RGS5: variants seen among roughly 807,000 people sequenced by gnomAD.
RGS5 encodes the protein regulator of G-protein signalling 5.
A neutral mutation model predicts 18.9 loss-of-function variants in RGS5; 20 were observed. The ratio of observed to expected loss-of-function variants is 1.06; its 90% CI spans 0.74 to 1.54. The LOEUF (loss-of-function observed/expected upper bound fraction) is 1.54, where lower values mean the gene tolerates loss of function less well. Ranked by LOEUF, RGS5 falls within the 40% of genes most tolerant of loss-of-function variation. RGS5 has a pLI of 0.00. For synonymous variants in RGS5, 57 were observed against 76.2 expected, an observed-to-expected ratio of 0.75 and a Z score of 1.31; for missense variants, 201 against 211.8, an observed-to-expected ratio of 0.95 and a Z score of 0.32.
chr1:163,311,549 C>A (rs1233083207), intron 1 of RGS5, among the ~76,000 whole-genome samples: 2 of 152,100 alleles, frequency 1.3e-5, no homozygotes, highest in Non-Finnish European at 2.9e-5. Flanking sequence ...GCTTGGAGGA[C>A]ATTATATGGT....
At chr1:163,296,086 G>A (rs1649413160) in intron 2 of RGS5, among the ~76,000 whole-genome samples, 1 of 152,162 alleles carries the variant, frequency 6.6e-6, no homozygotes, top group African/African-American at 2.4e-5. Context: ...CAGTTCCAGT[G>A]AAGCCAACTT....
At chr1:163,224,616 C>T (rs1196176114) in intron 2 of RGS5, among the ~76,000 whole-genome samples, 1 of 152,154 alleles carries the variant, frequency 6.6e-6, no homozygotes. Context: ...AAGGAACCTC[C>T]ATACTGTTGT....
chr1:163,234,755 T>C (rs1647577129), intron 2 of RGS5, among the ~76,000 whole-genome samples: 1 of 152,228 alleles, frequency 6.6e-6, no homozygotes, highest in Non-Finnish European at 1.5e-5. Flanking sequence ...TATTATCTTT[T>C]CTCACTTCTA....
chr1:163,159,589 C>T (rs1461892299), intron 3 of RGS5, among the ~76,000 whole-genome samples: 4 of 152,252 alleles, frequency 2.6e-5, no homozygotes, highest in African/African-American at 9.6e-5. Context: ...CATACCATAA[C>T]CCTTCTTTTT....
chr1:163,314,628 A>C (rs1444444159), intron 1 of RGS5, among the ~76,000 whole-genome samples: 1 of 152,150 alleles, frequency 6.6e-6, no homozygotes, highest in Non-Finnish European at 1.5e-5. Flanking sequence ...TTCATTTTTT[A>C]AAAATTCCCC....
At chr1:163,161,433 C>T (rs530394365) in intron 3 of RGS5, among the ~76,000 whole-genome samples, 8 of 152,260 alleles carry the variant, frequency 5.3e-5, no homozygotes, top group South Asian at 2.1e-4. Context: ...GAAGAGGAAA[C>T]GGAGGCTGGG....
chr1:163,223,520 A>G (rs754980774), intron 2 of RGS5, among the ~76,000 whole-genome samples: 1 of 152,102 alleles, frequency 6.6e-6, no homozygotes, highest in Non-Finnish European at 1.5e-5. Context: ...CAAATGATAC[A>G]TATTTTTCAG....
At chr1:163,264,087 A>C (rs903137245) in intron 2 of RGS5, among the ~76,000 whole-genome samples, 3 of 152,080 alleles carry the variant, frequency 2.0e-5, no homozygotes, top group Admixed American at 1.3e-4. Flanking sequence ...GCCTCAGGGA[A>C]AGCACCCCTT....
At chr1:163,205,985 T>C (rs930781252), upstream of RGS5, among the ~76,000 whole-genome samples, 2 of 152,200 alleles carry the variant, frequency 1.3e-5, no homozygotes, top group Non-Finnish European at 2.9e-5. Flanking sequence ...TAAAGCCAGC[T>C]AGGAGCACAT....
intron 1 of RGS5, among the ~76,000 whole-genome samples, chr1:163,313,654 C>T (rs750673327): frequency 2.0e-5 from 3 of 152,182 alleles, no homozygotes; most frequent in Non-Finnish European, 2.9e-5. Flanking sequence ...AAGTATCCAA[C>T]CAACTAAACC....
chr1:163,212,103 CCTT>C (rs1246878258), intron 1 of RGS5: 3 of 152,184 alleles, frequency 2.0e-5, no homozygotes, highest in African/African-American at 4.8e-5. Context: ...TTCCTACTCT[CCTT>C]CTTCACAAAT....
chr1:163,241,051 T>G (rs1647779152), intron 2 of RGS5, among the ~76,000 whole-genome samples: 1 of 152,226 alleles, frequency 6.6e-6, no homozygotes, highest in Non-Finnish European at 1.5e-5. Flanking sequence ...CCTTTGGGTT[T>G]CTGCTAACTT....
At chr1:163,252,496 T>C (rs1255930564) in intron 2 of RGS5, among the ~76,000 whole-genome samples, 1 of 152,216 alleles carries the variant, frequency 6.6e-6, no homozygotes, top group Non-Finnish European at 1.5e-5. Flanking sequence ...TTTTGGTCCA[T>C]AATTCACATG....
upstream of RGS5, chr1:163,202,964 T>A: frequency 1.2e-6 from 1 of 805,614 alleles, no homozygotes; most frequent in South Asian, 1.8e-5. Flanking sequence ...TTCCCAGCCC[T>A]CTGTTGCTCT....
chr1:163,234,950 C>G (rs1395584821), intron 2 of RGS5, among the ~76,000 whole-genome samples: 1 of 152,192 alleles, frequency 6.6e-6, no homozygotes, highest in Non-Finnish European at 1.5e-5. Flanking sequence ...GTAGAAGCTA[C>G]AAGATATCAC....
intron 3 of RGS5, among the ~76,000 whole-genome samples, chr1:163,159,286 C>T (rs1657709484): frequency 6.6e-6 from 1 of 152,144 alleles, no homozygotes; most frequent in Non-Finnish European, 1.5e-5. Context: ...AAAGTAAAGA[C>T]AGGCATAGGA....
intron 2 of RGS5, among the ~76,000 whole-genome samples, chr1:163,234,673 A>G (rs1276690407): frequency 1.3e-5 from 2 of 152,208 alleles, no homozygotes; most frequent in Non-Finnish European, 2.9e-5. Flanking sequence ...AACAAAATCA[A>G]TCTCTGCTTT....
intron 2 of RGS5, among the ~76,000 whole-genome samples, chr1:163,243,369 C>T (rs764624144): frequency 2.6e-5 from 4 of 151,932 alleles, no homozygotes; most frequent in Non-Finnish European, 4.4e-5. Context: ...GATGACAGGC[C>T]GGGCGCGGTG....
intron 2 of RGS5, among the ~76,000 whole-genome samples, chr1:163,231,627 G>C (rs1204213423): frequency 6.6e-6 from 1 of 152,080 alleles, no homozygotes; most frequent in African/African-American, 2.4e-5. Flanking sequence ...TTGTGTGATG[G>C]AGAATAAACT....
Sources: gnomAD v4.1 joint callset for allele counts (sites outside exome capture counted in the v4.1 genomes callset) on GRCh38, gnomAD v4.1.1 for gene constraint, MANE v1.5 for transcripts, NCBI Gene and HGNC (gene_info 2026-07-23, HGNC 2026-07-21) for gene names.